FCAR: variants seen among roughly 807,000 people sequenced by gnomAD.
The protein encoded by FCAR is immunoglobulin alpha Fc receptor.
A neutral mutation model predicts 27.1 loss-of-function variants in FCAR; 21 were observed. The observed-to-expected ratio is 0.77, with a 90% CI of 0.55 to 1.11. The LOEUF is 1.11. Among genes scored for constraint, FCAR ranks in the 50% most tolerant of loss-of-function variants. The pLI is 0.00. For missense variants in FCAR, 404 were observed against 358.4 expected, an observed-to-expected ratio of 1.13 and a Z score of -1.03; for synonymous variants, 134 against 135.8, an observed-to-expected ratio of 0.99 and a Z score of 0.09.
intron 4 of FCAR, chr19:54,888,566 G>C: frequency 1.6e-6 from 2 of 1,229,028 alleles, no homozygotes; most frequent in South Asian, 2.0e-5. Context: ...TTTATTTTCC[G>C]GGATAGAGTC....
At chr19:54,885,765 AT>A (rs1378446406) in intron 3 of FCAR, among the ~76,000 whole-genome samples, 2 of 152,100 alleles carry the variant, frequency 1.3e-5, no homozygotes, top group Admixed American at 1.3e-4. Flanking sequence ...GTTTATTTAC[AT>A]TTTCTTAGTT....
Position 54,891,298 on chromosome 19 carries a change from G to A in FCAR, c.*1435G>A, listed in dbSNP as rs587681036. 1 of 152,186 alleles carries A rather than the reference G, an allele frequency of 6.6e-6. No homozygotes were observed. The highest frequency in any genetic ancestry group is 2.1e-4 in the South Asian group (1 of 4,818). The allele number at this position is 152,186 out of a possible 1,614,324, so 9.4% of individuals were successfully genotyped here. A position where few individuals can be genotyped will look rare whatever the true frequency, so the allele number is the denominator to read the frequency against. ...ATAAAATGTAAGGGTCCTACTTCCA[G>A]TGAAACTGAAGGGACTTAGGCCCAC... On this transcript the variant is annotated 3_prime_UTR_variant, in exon 5 of 5. Transcript: ENST00000355524.
rs1245590512 is a variant in FCAR at position 54,888,071 on chromosome 19, T to C, written c.426T>C (p.Ile142=). 1 of 1,613,982 alleles carries C rather than the reference T, an allele frequency of 6.2e-7. No individual in the cohort carries two copies. Among genetic ancestry groups the C allele is most frequent in the Non-Finnish European group, 8.5e-7 (1 of 1,179,942 alleles). Residue 142 remains isoleucine (I), a synonymous_variant, in exon 4 of 5, where the codon ATT becomes ATC. Transcript: ENST00000355524. The part of the protein sequence containing the change: ...RGLVLMPGEN[I]SLTCSSAHIP... The stretch of plus-strand genomic sequence containing the variant: ...TGGTGTTGATGCCAGGAGAGAATAT[T>C]TCCCTCACGTGCAGCTCAGCACACA...
Position 54,888,230 on chromosome 19 carries a change from T to C in FCAR, c.585T>C (p.Gly195=), listed in dbSNP as rs774671561. 6 of 1,614,172 alleles carry C rather than the reference T, an allele frequency of 3.7e-6. No homozygotes were observed. The South Asian group carries it at 6.6e-5, about 18-fold the overall frequency. Residue 195 remains glycine (G), a synonymous_variant, in exon 4 of 5, where the codon GGT becomes GGC. Transcript: ENST00000355524. ...TCTCAGGGATCTACAGGTGCTACGG[T>C]TGGTACAACAGGAGCCCCTACCTGT... ...LNVSGIYRCY[G]WYNRSPYLWS...
chr19:54,881,629 T>G (rs1388390292), intron 2 of FCAR, among the ~76,000 whole-genome samples: 1 of 151,824 alleles, frequency 6.6e-6, no homozygotes, highest in Non-Finnish European at 1.5e-5. Context: ...TCCCAGCACT[T>G]TGGGAGGCCG....
chr19:54,880,563 GTAA>G lies in FCAR; in HGVS notation c.71-4671_71-4669del, dbSNP rs1205335924. On this transcript the variant is annotated intron_variant, in intron 2 of 4. Coordinates refer to ENST00000355524, the MANE Select transcript of FCAR (RefSeq NM_002000.4). ...ATTCTATTTCTGTCATTTCAGCCAG[GTAA>G]AGAGCCCTTGCTGGGAAGCTTGTGT... Among the ~76,000 whole-genome samples, 19 of 152,272 alleles carry G rather than the reference GTAA, an allele frequency of 1.2e-4. No homozygotes were observed. The East Asian group carries it at 3.7e-3, about 29-fold the overall frequency.
Position 54,885,524 on chromosome 19 carries a change from A to G in FCAR, c.360A>G (p.Thr120=), listed in dbSNP as rs1205019135. 1 of 1,605,902 alleles carries G rather than the reference A, an allele frequency of 6.2e-7. No individual in the cohort carries two copies. Among genetic ancestry groups the G allele is most frequent in the African/African-American group, 1.3e-5 (1 of 74,752 alleles). The change falls in exon 3 of 5, where the codon ACA becomes ACG. Residue 120 remains threonine (T), a splice_region_variant and synonymous_variant. Transcript: ENST00000355524. The part of the protein sequence containing the change: ...RYSDTLELVV[T]GLYGKPFLSA... Reference sequence around the variant, plus strand: ...GTGACACCCTGGAGCTGGTAGTGACAGGTAAGGAAACATCCAGGGTCCACA... The same window carrying G: ...GTGACACCCTGGAGCTGGTAGTGACGGGTAAGGAAACATCCAGGGTCCACA...
intron 2 of FCAR, 151 bp downstream of exon 2, chr19:54,875,516 C>A: frequency 1.4e-6 from 1 of 716,810 alleles, no homozygotes; most frequent in Non-Finnish European, 2.4e-6. Context: ...TTCTATCTCA[C>A]TTTGTTATCT....
At chr19:54,877,916 A>ATTTTTTTTT (rs757104692) in intron 2 of FCAR, among the ~76,000 whole-genome samples, 2 of 143,462 alleles carry the variant, frequency 1.4e-5, no homozygotes. Context: ...TTTGCTAAGG[A>ATTTTTTTTT]TTGTTTTTTT....
chr19:54,877,674 G>C (rs919668515), intron 2 of FCAR, among the ~76,000 whole-genome samples: 1 of 151,924 alleles, frequency 6.6e-6, no homozygotes, highest in Non-Finnish European at 1.5e-5. Flanking sequence ...AGTTCCTCTT[G>C]TTATGATGTT....
At chr19:54,877,484 C>T (rs2066161199) in intron 2 of FCAR, among the ~76,000 whole-genome samples, 1 of 152,078 alleles carries the variant, frequency 6.6e-6, no homozygotes. Flanking sequence ...GATCATCTCT[C>T]TTTTCTTCTT....
At position 54,888,629 on chromosome 19, in the gene FCAR, C is replaced by A. The variant is rs968253444; in HGVS notation, c.649+335C>A. On this transcript the variant is annotated intron_variant, in intron 4 of 4. Coordinates refer to ENST00000355524, the MANE Select transcript of FCAR (RefSeq NM_002000.4). The stretch of plus-strand genomic sequence containing the variant: ...GTGGCACGATCTCGACTCACTGCAA[C>A]CTTCGCCTCCCAGGTTCAAGCAATT... 2.9e-5 allele frequency: 20 copies of A among 696,144 alleles called. No individual in the cohort carries two copies. In the East Asian group the frequency reaches 3.6e-4, roughly 12 times the overall value. The allele number at this position is 696,144 out of a possible 1,614,324, so 43.1% of individuals were successfully genotyped here. A position where few individuals can be genotyped will look rare whatever the true frequency, so the allele number is the denominator to read the frequency against.
chr19:54,878,437 T>C (rs2066221043), intron 2 of FCAR, among the ~76,000 whole-genome samples: 1 of 152,200 alleles, frequency 6.6e-6, no homozygotes, highest in African/African-American at 2.4e-5. Context: ...TATTATTGTG[T>C]GGTTGTCTAA....
At chr19:54,883,920 G>A (rs587716508) in intron 2 of FCAR, among the ~76,000 whole-genome samples, 335 of 152,288 alleles carry the variant, frequency 2.2e-3, no homozygotes, top group African/African-American at 7.7e-3. Flanking sequence ...TCACACCACT[G>A]CACTCCAGCC....
chr19:54,885,338 C>A lies in FCAR; in HGVS notation c.174C>A (p.Thr58=). The change falls in exon 3 of 5, where the codon ACC becomes ACA. Residue 58 remains threonine (T), a synonymous_variant. Coordinates refer to ENST00000355524, the MANE Select transcript of FCAR (RefSeq NM_002000.4). ...AGGCCATTCGTGAAGCTTACCTGAC[C>A]CAGCTGATGATCATAAAAAACTCCA... ...QCQAIREAYL[T]QLMIIKNSTY... 1 of 1,613,934 alleles carries A rather than the reference C, an allele frequency of 6.2e-7. No homozygotes were observed. Among genetic ancestry groups the A allele is most frequent in the South Asian group, 1.1e-5 (1 of 91,054 alleles).
rs2067052572 is a variant in FCAR, at chr19:54,891,111, C to G, written c.*1248C>G. ...ACATTAAATTCTTGTGTACAAAACTCAAATGGTCTTCCAAATAATTCCCCA... is the reference window on the plus strand; with the variant it reads ...ACATTAAATTCTTGTGTACAAAACTGAAATGGTCTTCCAAATAATTCCCCA... On this transcript the variant is annotated 3_prime_UTR_variant, in exon 5 of 5. Transcript: ENST00000355524. The G allele has an allele frequency of 1.3e-5, 2 of 152,184 alleles. No individual in the cohort carries two copies. Among genetic ancestry groups the G allele is most frequent in the African/African-American group, 4.8e-5 (2 of 41,444 alleles). The allele number at this position is 152,184 out of a possible 1,614,324, so 9.4% of individuals were successfully genotyped here.
rs61735069 is a variant in FCAR, at chr19:54,888,276, T to C, written c.631T>C (p.Leu211=). 61,855 of 1,613,962 alleles carry C rather than the reference T, an allele frequency of 0.038. 1,377 individuals carry two copies. The highest frequency in any genetic ancestry group is 0.089 in the East Asian group (3,995 of 44,872). The part of the protein sequence containing the change: ...PYLWSFPSNA[L]ELVVTDSIHQ... ...CCTGTGGTCCTTCCCCAGTAATGCC[T>C]TGGAGCTTGTGGTCACAGGTAGGTA... The change falls in exon 4 of 5, where the codon TTG becomes CTG. Residue 211 remains leucine, a synonymous_variant. Transcript: ENST00000355524.
intron 2 of FCAR, 152 bp from the exon 3 acceptor site, chr19:54,885,083 G>T: frequency 1.5e-6 from 1 of 649,908 alleles, no homozygotes; most frequent in South Asian, 2.0e-5. Flanking sequence ...TGGGAATACA[G>T]GCGTGAGCTA....
intron 2 of FCAR, among the ~76,000 whole-genome samples, 171 bp from the exon 3 acceptor site, chr19:54,885,064 C>T (rs1321358144): frequency 6.6e-6 from 1 of 152,068 alleles, no homozygotes; most frequent in Admixed American, 6.6e-5. Context: ...CCTCGGCCTC[C>T]CAAAGTGCTG....
Sources: allele counts gnomAD v4.1 joint callset (sites outside exome capture counted in the v4.1 genomes callset), GRCh38; gene constraint gnomAD v4.1.1; transcripts MANE v1.5; gene names NCBI Gene and HGNC (gene_info 2026-07-23, HGNC 2026-07-21).